The following MYO1D variants were observed in gnomAD, a reference collection of about 807,000 sequenced individuals.
The protein encoded by MYO1D is myosin ID.
Under a neutral mutation model 122.0 loss-of-function variants are expected in MYO1D, and 83 were observed. The ratio of observed to expected loss-of-function variants is 0.68; its 90% CI spans 0.57 to 0.82. MYO1D has a LOEUF of 0.82. MYO1D is among the 40% of genes least tolerant of loss of function. The pLI, the probability that MYO1D is intolerant of heterozygous loss-of-function variation, is 0.00. For missense variants in MYO1D, 1,157 were observed against 1,269.5 expected (o/e 0.91, Z 1.35); for synonymous variants, 464 against 446.9 (o/e 1.04, Z -0.48).
intron 20 of MYO1D, among the ~76,000 whole-genome samples, chr17:32,626,131 T>A (rs1597947538): frequency 6.6e-6 from 1 of 152,196 alleles, no homozygotes; most frequent in African/African-American, 2.4e-5. Flanking sequence ...CTCCCACGGG[T>A]CCACAAGGCT....
At chr17:32,573,353 G>T (rs115722545) in intron 21 of MYO1D, among the ~76,000 whole-genome samples, 98 of 152,204 alleles carry the variant, frequency 6.4e-4, no homozygotes, top group African/African-American at 2.1e-3. Flanking sequence ...TTCTTGCTCT[G>T]TCAGTCTGTA....
intron 11 of MYO1D, among the ~76,000 whole-genome samples, chr17:32,752,380 T>C (rs1598065920): frequency 6.6e-6 from 1 of 152,300 alleles, no homozygotes; most frequent in East Asian, 1.9e-4. Context: ...AAAGAATTTA[T>C]GACCAAGACC....
At chr17:32,650,106 C>T (rs1187103944) in intron 19 of MYO1D, among the ~76,000 whole-genome samples, 1 of 152,164 alleles carries the variant, frequency 6.6e-6, no homozygotes, top group African/African-American at 2.4e-5. Context: ...GTCTGGATGA[C>T]TTCCTTTAAC....
intron 21 of MYO1D, among the ~76,000 whole-genome samples, chr17:32,575,042 G>C (rs1422243577): frequency 6.6e-6 from 1 of 152,196 alleles, no homozygotes; most frequent in Non-Finnish European, 1.5e-5. Context: ...GAGCTGATGG[G>C]AAGTATCGGA....
intron 17 of MYO1D, among the ~76,000 whole-genome samples, chr17:32,657,375 G>C (rs1567933542): frequency 6.6e-6 from 1 of 152,174 alleles, no homozygotes; most frequent in African/African-American, 2.4e-5. Flanking sequence ...GTCTGTCTTG[G>C]TACTGCCCAC....
At chr17:32,684,770 C>G (rs2088981609) in intron 16 of MYO1D, among the ~76,000 whole-genome samples, 1 of 152,194 alleles carries the variant, frequency 6.6e-6, no homozygotes, top group South Asian at 2.1e-4. Flanking sequence ...CTACAGCAGA[C>G]TAGCATGAAT....
intron 21 of MYO1D, among the ~76,000 whole-genome samples, chr17:32,538,282 CT>C (rs67908958): frequency 0.87 from 123,862 of 142,010 alleles, 53,612 homozygotes; most frequent in East Asian, 0.95. Flanking sequence ...AATAAATCAT[CT>C]TTTTTTTTTT....
intron 20 of MYO1D, among the ~76,000 whole-genome samples, chr17:32,636,383 T>C (rs1233800513): frequency 6.6e-6 from 1 of 152,230 alleles, no homozygotes; most frequent in East Asian, 1.9e-4. Context: ...TCAAAATATT[T>C]CAATCATACA....
intron 21 of MYO1D, among the ~76,000 whole-genome samples, chr17:32,573,471 G>A (rs1352905393): frequency 6.6e-6 from 1 of 151,488 alleles, no homozygotes; most frequent in Non-Finnish European, 1.5e-5. Context: ...ATATCCTCAG[G>A]AAACTTCACA....
At chr17:32,809,618 T>C (rs1212858297) in intron 1 of MYO1D, among the ~76,000 whole-genome samples, 1 of 152,094 alleles carries the variant, frequency 6.6e-6, no homozygotes, top group Admixed American at 6.5e-5. Context: ...TTTGTATTTT[T>C]GGTAGAGACA....
chr17:32,810,921 T>A (rs1036744696), intron 1 of MYO1D, among the ~76,000 whole-genome samples: 5 of 152,196 alleles, frequency 3.3e-5, no homozygotes, highest in African/African-American at 1.2e-4. Context: ...GCCTTTTAAA[T>A]TCTGAATTAA....
intron 15 of MYO1D, among the ~76,000 whole-genome samples, chr17:32,714,045 TTTC>T (rs1705903125): frequency 6.6e-6 from 1 of 151,928 alleles, no homozygotes; most frequent in African/African-American, 2.4e-5. Context: ...ATGTCTTTTC[TTTC>T]TTTTTTTTTT....
intron 21 of MYO1D, among the ~76,000 whole-genome samples, chr17:32,572,356 T>A (rs2087239398): frequency 6.6e-6 from 1 of 152,024 alleles, no homozygotes; most frequent in East Asian, 1.9e-4. Context: ...AGTACCCCAC[T>A]CTCAGCCAGT....
At chr17:32,638,550 G>A (rs2088139934) in intron 20 of MYO1D, among the ~76,000 whole-genome samples, 172 bp downstream of exon 20, 1 of 152,080 alleles carries the variant, frequency 6.6e-6, no homozygotes, top group African/African-American at 2.4e-5. Context: ...TGGAAACTTT[G>A]GATCCTTTTA....
In MYO1D at chr17:32,760,473, C is replaced by T; in HGVS notation, c.1181+9G>A. On this transcript the variant is annotated intron_variant, in intron 9 of 21. Transcript: ENST00000318217. ...GGCAACAAGGTTTTAAGTATCTTTT[C>T]CAGTTTACCTGTTGTTGTCAAAGAT... 3 of 1,610,662 alleles carry T rather than the reference C, an allele frequency of 1.9e-6. No individual in the cohort carries two copies. Among genetic ancestry groups the T allele is most frequent in the Non-Finnish European group, 2.5e-6 (3 of 1,178,072 alleles).
At chr17:32,579,095 G>T (rs1336771780) in intron 21 of MYO1D, among the ~76,000 whole-genome samples, 3 of 151,896 alleles carry the variant, frequency 2.0e-5, no homozygotes, top group African/African-American at 7.3e-5. Flanking sequence ...TTGAGATAGG[G>T]TCTTGCTCTG....
intron 19 of MYO1D, among the ~76,000 whole-genome samples, chr17:32,639,671 C>G (rs2150939857): frequency 6.6e-6 from 1 of 152,148 alleles, no homozygotes; most frequent in Middle Eastern, 3.4e-3. Context: ...GTTGAGACTG[C>G]CAGCATGCGC....
chr17:32,834,886 C>G (rs992952122), intron 1 of MYO1D, among the ~76,000 whole-genome samples: 1 of 152,118 alleles, frequency 6.6e-6, no homozygotes, highest in Non-Finnish European at 1.5e-5. Context: ...GTGGTGCGCC[C>G]CTGTAGTCCC....
chr17:32,529,847 G>A (rs901011811), intron 21 of MYO1D: 10 of 152,150 alleles, frequency 6.6e-5, no homozygotes, highest in African/African-American at 1.4e-4. Flanking sequence ...GGGAGGCCCC[G>A]TGCTGACTCC....
Sources: allele counts gnomAD v4.1 joint callset (sites outside exome capture counted in the v4.1 genomes callset), GRCh38; gene constraint gnomAD v4.1.1; transcripts MANE v1.5; gene names NCBI Gene and HGNC (gene_info 2026-07-23, HGNC 2026-07-21).